The following IPO11 variants were observed in gnomAD, a reference collection of about 807,000 sequenced individuals.
IPO11 encodes importin 11.
In IPO11, 66 loss-of-function variants were observed where a neutral mutation model predicts 143.2. The ratio of observed to expected loss-of-function variants is 0.46; its 90% CI spans 0.38 to 0.57. The LOEUF (loss-of-function observed/expected upper bound fraction) is 0.57, where lower values mean the gene tolerates loss of function less well. Among genes scored for constraint, IPO11 ranks in the 20% least tolerant of loss-of-function variants. IPO11 has a pLI of 0.00. For synonymous variants in IPO11, 385 were observed against 377.8 expected (o/e 1.02, Z -0.22); for missense variants, 1,026 against 1,141.0 (o/e 0.90, Z 1.45).
intron 20 of IPO11, among the ~76,000 whole-genome samples, chr5:62,518,566 A>G (rs1035429441): frequency 1.3e-5 from 2 of 152,134 alleles, no homozygotes; most frequent in African/African-American, 4.8e-5. Flanking sequence ...GTGAGCCAAG[A>G]TCACACCCCT....
chr5:62,549,747 C>CAA (rs1743330422), intron 24 of IPO11, among the ~76,000 whole-genome samples: 1 of 152,150 alleles, frequency 6.6e-6, no homozygotes, highest in South Asian at 2.1e-4. Context: ...TTCATGCTTA[C>CAA]CCATTTTTGT....
chr5:62,435,134 ATG>A (rs1208069497), intron 1 of IPO11, among the ~76,000 whole-genome samples: 1 of 91,262 alleles, frequency 1.1e-5, no homozygotes, highest in African/African-American at 6.1e-5. Context: ...ATGTATATAT[ATG>A]TATATATGTA....
chr5:62,435,142 A>ATGTATATATATGTATATATG (rs1744152161), intron 1 of IPO11, among the ~76,000 whole-genome samples: 1 of 60,044 alleles, frequency 1.7e-5, no homozygotes, highest in African/African-American at 7.6e-5. Context: ...ATATGTATAT[A>ATGTATATATATGTATATATG]TGTATATATG....
At chr5:62,521,515 C>T (rs1742200241) in intron 20 of IPO11, among the ~76,000 whole-genome samples, 1 of 152,020 alleles carries the variant, frequency 6.6e-6, no homozygotes, top group Non-Finnish European at 1.5e-5. Flanking sequence ...CTCTGTGTTC[C>T]TGTTTTCAGT....
chr5:62,569,160 G>T (rs752221669), intron 27 of IPO11, among the ~76,000 whole-genome samples: 5 of 152,104 alleles, frequency 3.3e-5, no homozygotes, highest in Non-Finnish European at 7.4e-5. Context: ...GTGGGTGCTG[G>T]TAGTAGCTTC....
At chr5:62,613,295 C>A (rs537035678) in intron 29 of IPO11, among the ~76,000 whole-genome samples, 1 of 80,940 alleles carries the variant, frequency 1.2e-5, no homozygotes, top group South Asian at 4.7e-4. Flanking sequence ...TCCACATGCT[C>A]TTCTTTTTTT....
chr5:62,551,043 C>T (rs1251228382), intron 25 of IPO11, among the ~76,000 whole-genome samples, 180 bp from the exon 26 acceptor site: 1 of 142,652 alleles, frequency 7.0e-6, no homozygotes, highest in Non-Finnish European at 1.5e-5. Flanking sequence ...ATATATGGTG[C>T]ATATAATTCA....
chr5:62,426,277 C>T (rs1379891795), intron 1 of IPO11, among the ~76,000 whole-genome samples: 2 of 152,264 alleles, frequency 1.3e-5, no homozygotes, highest in African/African-American at 4.8e-5. Flanking sequence ...ATCCCAGCTA[C>T]TTGGGAGGCT....
intron 29 of IPO11, among the ~76,000 whole-genome samples, chr5:62,619,816 G>A (rs768585204): frequency 2.8e-4 from 42 of 151,188 alleles, no homozygotes; most frequent in Non-Finnish European, 2.5e-4. Flanking sequence ...CCGAGATTGC[G>A]CCACTGCACT....
intron 29 of IPO11, among the ~76,000 whole-genome samples, chr5:62,614,007 A>G (rs1746029227): frequency 6.6e-6 from 1 of 152,222 alleles, no homozygotes; most frequent in South Asian, 2.1e-4. Context: ...GAAATTACCT[A>G]TGACAGACTT....
intron 26 of IPO11, among the ~76,000 whole-genome samples, chr5:62,552,123 CA>C (rs1743409467): frequency 6.8e-6 from 1 of 147,126 alleles, no homozygotes; most frequent in Non-Finnish European, 1.5e-5. Context: ...AACTCTGTCT[CA>C]AAAAAGAAAA....
intron 6 of IPO11, among the ~76,000 whole-genome samples, chr5:62,468,060 A>G (rs1479015677): frequency 1.3e-5 from 2 of 152,076 alleles, no homozygotes; most frequent in East Asian, 3.9e-4. Context: ...TGATCCTCTC[A>G]CTGCAGCTTC....
chr5:62,588,905 G>T (rs1171654275), intron 27 of IPO11, among the ~76,000 whole-genome samples: 1 of 152,148 alleles, frequency 6.6e-6, no homozygotes, highest in East Asian at 1.9e-4. Flanking sequence ...TGACCACTTG[G>T]CTCCAACTGC....
intron 16 of IPO11, among the ~76,000 whole-genome samples, chr5:62,497,073 C>T (rs1341027018): frequency 1.3e-5 from 2 of 152,230 alleles, no homozygotes; most frequent in African/African-American, 4.8e-5. Flanking sequence ...TCTGCATTCT[C>T]TTTCCTAAGG....
At chr5:62,472,775 C>T (rs143132746) in intron 7 of IPO11, among the ~76,000 whole-genome samples, 35 of 152,102 alleles carry the variant, frequency 2.3e-4, no homozygotes, top group Admixed American at 6.5e-4. Flanking sequence ...TTGATCCACC[C>T]GCCTCGGCCT....
At chr5:62,518,889 G>A (rs188869752) in intron 20 of IPO11, among the ~76,000 whole-genome samples, 1 of 152,256 alleles carries the variant, frequency 6.6e-6, no homozygotes, top group Admixed American at 6.5e-5. Context: ...AGGGTAATAG[G>A]CACTGGGCTA....
chr5:62,451,772 T>C lies in IPO11; in HGVS notation c.355T>C (p.Leu119=), dbSNP rs373976132. 4 of 1,614,082 alleles carry C rather than the reference T, an allele frequency of 2.5e-6. No individual in the cohort carries two copies. The highest frequency in any genetic ancestry group is 1.3e-5 in the African/African-American group (1 of 74,934). The change falls in exon 5 of 30, where the codon TTG becomes CTG. Residue 119 remains leucine, a synonymous_variant. Coordinates refer to ENST00000325324, the MANE Select transcript of IPO11 (RefSeq NM_016338.5). ...AGTGCTCATTGCAAAAGTTGCTAGA[T>C]TGGATTGTCCCAGACAGTGGCCTGA... ...IAVLIAKVAR[L]DCPRQWPELI...
At chr5:62,569,932 T>G (rs1235337602) in intron 27 of IPO11, among the ~76,000 whole-genome samples, 2 of 152,236 alleles carry the variant, frequency 1.3e-5, no homozygotes, top group East Asian at 3.9e-4. Context: ...TCAGTTCAAC[T>G]GGGAAAAAAC....
intron 28 of IPO11, among the ~76,000 whole-genome samples, chr5:62,597,614 T>G (rs1745271757): frequency 6.6e-6 from 1 of 152,216 alleles, no homozygotes; most frequent in Non-Finnish European, 1.5e-5. Context: ...TTACAATCTC[T>G]ACACTTCCAG....
Sources: gnomAD v4.1 joint callset for allele counts (sites outside exome capture counted in the v4.1 genomes callset) on GRCh38, gnomAD v4.1.1 for gene constraint, MANE v1.5 for transcripts, NCBI Gene and HGNC (gene_info 2026-07-23, HGNC 2026-07-21) for gene names.